Variants in C4orf51 observed in about 807,000 individuals in gnomAD.
C4orf51 encodes the protein uncharacterized protein C4orf51.
Under a neutral mutation model 25.2 loss-of-function variants are expected in C4orf51, and 25 were observed. The observed-to-expected ratio is 0.99, with a 90% CI of 0.72 to 1.39. The LOEUF is 1.39. C4orf51 is among the 40% of genes most tolerant of loss of function. C4orf51 has a pLI of 0.00. For synonymous variants in C4orf51, 100 were observed against 84.5 expected (o/e 1.18, Z -1.01); for missense variants, 252 against 239.6 (o/e 1.05, Z -0.34).
At chr4:145,742,518 AT>A (rs1327309795) in intron 1 of C4orf51, among the ~76,000 whole-genome samples, 6 of 133,212 alleles carry the variant, frequency 4.5e-5, no homozygotes, top group Non-Finnish European at 1.6e-5. Flanking sequence ...ACACGACAGC[AT>A]TTTCTTTTTC....
intron 1 of C4orf51, among the ~76,000 whole-genome samples, chr4:145,739,036 T>C (rs933957788): frequency 4.6e-5 from 7 of 152,226 alleles, no homozygotes; most frequent in African/African-American, 1.7e-4. Context: ...TACAGTTTCT[T>C]TTTACATAAT....
intron 1 of C4orf51, among the ~76,000 whole-genome samples, chr4:145,691,539 A>G (rs536767555): frequency 6.6e-6 from 1 of 152,358 alleles, no homozygotes; most frequent in East Asian, 1.9e-4. Context: ...CATGGAATCA[A>G]CTTAGGTGCT....
At chr4:145,707,590 G>A (rs1022249019) in intron 2 of C4orf51, among the ~76,000 whole-genome samples, 33 of 152,184 alleles carry the variant, frequency 2.2e-4, no homozygotes, top group African/African-American at 8.0e-4. Context: ...GAATTCAGAG[G>A]TCAGGTAAAT....
chr4:145,731,564 C>CTTTTTTTTTTTTTTT (rs398051305), intron 5 of C4orf51, among the ~76,000 whole-genome samples: 10 of 43,876 alleles, frequency 2.3e-4, no homozygotes, highest in Non-Finnish European at 2.6e-4. Context: ...CAAGGCAAAT[C>CTTTTTTTTTTTTTTT]TTTTTTTTTT....
At chr4:145,739,751 G>A (rs1229935085) in intron 1 of C4orf51, among the ~76,000 whole-genome samples, 1 of 152,172 alleles carries the variant, frequency 6.6e-6, no homozygotes, top group Admixed American at 6.5e-5. Context: ...GATATGATGA[G>A]ACAGTAAACA....
chr4:145,702,924 CT>C (rs1730550775), intron 2 of C4orf51, among the ~76,000 whole-genome samples: 1 of 151,816 alleles, frequency 6.6e-6, no homozygotes, highest in Non-Finnish European at 1.5e-5. Flanking sequence ...CACGCCGCCC[CT>C]AATCCCGCTT....
At chr4:145,773,547 C>T (rs1458224808), downstream of C4orf51, among the ~76,000 whole-genome samples, 1 of 152,210 alleles carries the variant, frequency 6.6e-6, no homozygotes, top group East Asian at 1.9e-4. Context: ...ATTTGTAAGC[C>T]CCGCAAATGC....
chr4:145,751,574 G>A (rs1733678093), intron 1 of C4orf51, among the ~76,000 whole-genome samples: 1 of 152,160 alleles, frequency 6.6e-6, no homozygotes, highest in Non-Finnish European at 1.5e-5. Context: ...GACTACACTG[G>A]GTCAGACCTG....
chr4:145,720,403 C>T (rs1035186587), intron 2 of C4orf51, among the ~76,000 whole-genome samples: 1 of 152,108 alleles, frequency 6.6e-6, no homozygotes. Flanking sequence ...CGGGGAGATA[C>T]CCAGGAGTGA....
intron 4 of C4orf51, 70 bp from the exon 5 acceptor site, chr4:145,729,822 C>T: frequency 7.5e-7 from 1 of 1,324,714 alleles, no homozygotes; most frequent in Non-Finnish European, 1.1e-6. Flanking sequence ...TTGGGAATGT[C>T]AGGAAATTTC....
At chr4:145,721,942 A>G (rs954896930) in intron 2 of C4orf51, among the ~76,000 whole-genome samples, 1 of 152,328 alleles carries the variant, frequency 6.6e-6, no homozygotes. Context: ...GGTTATAGCT[A>G]TAGCTCAAAT....
intron 2 of C4orf51, among the ~76,000 whole-genome samples, chr4:145,698,144 A>T (rs1730190235): frequency 6.6e-6 from 1 of 152,076 alleles, no homozygotes; most frequent in Non-Finnish European, 1.5e-5. Flanking sequence ...TGTCTCTTCA[A>T]GTCATTTCCC....
chr4:145,771,128 A>G, downstream of C4orf51: 1 of 152,198 alleles, frequency 6.6e-6, no homozygotes, highest in East Asian at 1.9e-4. Context: ...AGGTTTTCTT[A>G]ACAGTTTATA....
intron 2 of C4orf51, among the ~76,000 whole-genome samples, chr4:145,721,524 C>A (rs962525616): frequency 5.3e-5 from 8 of 152,082 alleles, no homozygotes; most frequent in Non-Finnish European, 1.2e-4. Context: ...AATGTCCCTT[C>A]TAGGTGGTGG....
Sources: gnomAD v4.1 joint callset for allele counts (sites outside exome capture counted in the v4.1 genomes callset) on GRCh38, gnomAD v4.1.1 for gene constraint, MANE v1.5 for transcripts, NCBI Gene and HGNC (gene_info 2026-07-23, HGNC 2026-07-21) for gene names.